The following HMGN1 variants were observed in gnomAD, a reference collection of about 807,000 sequenced individuals.
HMGN1 encodes high mobility group nucleosome binding domain 1.
In HMGN1, 9 loss-of-function variants were observed where a neutral mutation model predicts 18.4. The ratio of observed to expected loss-of-function variants is 0.49; its 90% confidence interval spans 0.29 to 0.85. The LOEUF is 0.85. HMGN1 is among the 40% of genes least tolerant of loss of function. The pLI is 0.07. For missense variants in HMGN1, 151 were observed against 119.2 expected (o/e 1.27, Z -1.24); for synonymous variants, 59 against 45.0 (o/e 1.31, Z -1.24).
chr21:39,345,109 T>TCACACA lies in HMGN1; in HGVS notation c.255+31_255+36dup, dbSNP rs3067492. The TCACACA allele has an allele frequency of 5.5e-3, 7,688 of 1,407,382 alleles. 94 individuals are homozygous for TCACACA. The highest frequency in any genetic ancestry group is 0.02 in the African/African-American group (1,382 of 68,576). 87.2% of individuals were successfully genotyped at this position (1,407,382 alleles called of 1,614,324 possible). On this transcript the variant is annotated intron_variant, in intron 5 of 5. Transcript: ENST00000380749. ...TATCTACTGTTCAGAGTCAAAGCAA[T>TCACACA]CACACACACACACACACACACACAC...
At position 39,343,152 on chromosome 21, in the gene HMGN1, G is replaced by C. The variant is rs769791699; in HGVS notation, c.263C>G (p.Ala88Gly). Residue 88 changes from alanine to glycine, a missense_variant, in exon 6 of 6, where the codon GCC becomes GGC. By Grantham distance (60) the Ala-to-Gly change is moderately conservative. Coordinates refer to ENST00000380749, the MANE Select transcript of HMGN1 (RefSeq NM_004965.7). ...TTCTTTCTCTCCTGCTTCATCAGAG[G>C]CTGGACTCTGCAAAAGAAAGGAAAT... ...NGETKTEESP[A>G]SDEAGEKEAK... 1 of 1,597,492 alleles carries C rather than the reference G, an allele frequency of 6.3e-7. No homozygotes were observed. Among genetic ancestry groups the C allele is most frequent in the African/African-American group, 1.3e-5 (1 of 74,128 alleles).
At chr21:39,345,306 A>G in intron 4 of HMGN1, 32 bp from the exon 5 acceptor site, 2 of 1,585,466 alleles carry the variant, frequency 1.3e-6, no homozygotes, top group African/African-American at 1.3e-5. Flanking sequence ...TTTTAAGTAC[A>G]TGCTTTACTC....
chr21:39,349,054 T>A lies in HMGN1; in HGVS notation c.-137A>T. 1.0e-6 allele frequency: 1 copy of A among 992,634 alleles called. No homozygotes were observed. The highest frequency in any genetic ancestry group is 1.3e-6 in the Non-Finnish European group (1 of 786,258). The allele number at this position is 992,634 out of a possible 1,614,324, so 61.5% of individuals were successfully genotyped here. A position where few individuals can be genotyped will look rare whatever the true frequency, so the allele number is the denominator to read the frequency against. The stretch of plus-strand genomic sequence containing the variant: ...CCACTCCTCCCGCCGCCCGAGCTGC[T>A]GAGACCCACAGCGGGGGCGGTGGGA... On this transcript the variant is annotated 5_prime_UTR_variant, in exon 1 of 6. Coordinates refer to ENST00000380749, the MANE Select transcript of HMGN1 (RefSeq NM_004965.7).
intron 4 of HMGN1, chr21:39,347,826 G>C (rs765317439): frequency 2.1e-6 from 1 of 469,858 alleles, no homozygotes; most frequent in Admixed American, 5.4e-5. Context: ...TTTTCTCAGA[G>C]ATCACAACTT....
intron 4 of HMGN1, chr21:39,347,739 C>G: frequency 3.8e-6 from 1 of 264,230 alleles, no homozygotes; most frequent in Non-Finnish European, 7.5e-6. Flanking sequence ...ATCATGCAAT[C>G]ACGAATTTGT....
At chr21:39,343,731 T>G (rs1407179206) in intron 5 of HMGN1, among the ~76,000 whole-genome samples, 8 of 152,208 alleles carry the variant, frequency 5.3e-5, no homozygotes, top group Non-Finnish European at 1.0e-4. Flanking sequence ...TATTTTCAGT[T>G]GATGAAAATG....
chr21:39,348,164 A>G (rs543671089), intron 4 of HMGN1, 128 bp downstream of exon 4: 2 of 1,287,674 alleles, frequency 1.6e-6, no homozygotes, highest in African/African-American at 3.0e-5. Flanking sequence ...CGACCACTAG[A>G]AAAATTATTT....
At chr21:39,344,256 C>CAAAAAAAA (rs3067491) in intron 5 of HMGN1, among the ~76,000 whole-genome samples, 3 of 113,502 alleles carry the variant, frequency 2.6e-5, no homozygotes, top group African/African-American at 1.1e-4. Flanking sequence ...AATTCCGTCT[C>CAAAAAAAA]AAAAAAAAAA....
chr21:39,347,735 C>A, intron 4 of HMGN1: 2 of 263,424 alleles, frequency 7.6e-6, no homozygotes, highest in South Asian at 3.5e-5. Context: ...TCGAATCATG[C>A]AATCACGAAT....
At chr21:39,348,151 C>T (rs143443959) in intron 4 of HMGN1, 141 bp downstream of exon 4, 2 of 1,130,618 alleles carry the variant, frequency 1.8e-6, no homozygotes, top group African/African-American at 1.6e-5. Context: ...TACATTTTTG[C>T]CTCGACCACT....
intron 5 of HMGN1, chr21:39,344,422 A>C (rs571560585): frequency 7.0e-4 from 106 of 152,334 alleles, no homozygotes; most frequent in African/African-American, 2.5e-3. Context: ...AAATTTAAAA[A>C]TCAATATACT....
rs1178490416 is a variant in HMGN1 at position 39,345,197 on chromosome 21, T to C, written c.204A>G (p.Gln68=). ...AKGKQAEVAN[Q]ETKEDLPAEN... ...CCGCAGGTAAGTCTTCTTTAGTTTC[T>C]TGGTTAGCCACTTCGGCCTGTTTTC... The change falls in exon 5 of 6, where the codon CAA becomes CAG. Residue 68 remains glutamine (Q), a synonymous_variant. Coordinates refer to ENST00000380749, the MANE Select transcript of HMGN1 (RefSeq NM_004965.7). 6.8e-6 allele frequency: 11 copies of C among 1,613,446 alleles called. No homozygotes were observed. In the South Asian group the frequency reaches 1.2e-4, roughly 18 times the overall value.
At chr21:39,348,718 G>A (rs1274142687) in intron 1 of HMGN1, 141 bp from the exon 2 acceptor site, 5 of 1,163,084 alleles carry the variant, frequency 4.3e-6, no homozygotes, top group South Asian at 1.7e-5. Context: ...AGCTCCCCCG[G>A]CCGCCAAACG....
Position 39,349,071 on chromosome 21 carries a change from GC to G in HMGN1, c.-155del. On this transcript the variant is annotated 5_prime_UTR_variant, in exon 1 of 6. Transcript: ENST00000380749. ...CGAGCTGCTGAGACCCACAGCGGGG[GC>G]GGTGGGAGAACCGGATGGAACCGGA... is the stretch of plus-strand genomic sequence containing the variant. The G allele has an allele frequency of 1.1e-6, 1 of 875,288 alleles. No individual in the cohort carries two copies. 54.2% of individuals were successfully genotyped at this position (875,288 alleles called of 1,614,324 possible). A position where few individuals can be genotyped will look rare whatever the true frequency, so the allele number is the denominator to read the frequency against.
intron 4 of HMGN1, chr21:39,345,934 A>G (rs1279478093): frequency 7.7e-7 from 1 of 1,301,970 alleles, no homozygotes; most frequent in South Asian, 1.2e-5. Context: ...TGAATTTATC[A>G]CTTTCATTTA....
chr21:39,345,034 T>A, intron 5 of HMGN1, 112 bp downstream of exon 5: 1 of 1,279,370 alleles, frequency 7.8e-7, no homozygotes, highest in Non-Finnish European at 1.0e-6. Flanking sequence ...AAAACTTTGT[T>A]CAATATTATA....
At chr21:39,344,281 TA>T (rs2036966633) in intron 5 of HMGN1, among the ~76,000 whole-genome samples, 1 of 127,598 alleles carries the variant, frequency 7.8e-6, no homozygotes, top group South Asian at 2.4e-4. Context: ...AAAAAGGAAT[TA>T]AGAAGTACAA....
intron 2 of HMGN1, 25 bp downstream of exon 2, chr21:39,348,520 C>A (rs2037146740): frequency 1.9e-6 from 3 of 1,613,398 alleles, no homozygotes; most frequent in Non-Finnish European, 2.5e-6. Flanking sequence ...AAACCCACCA[C>A]CCCCCGCAGA....
chr21:39,342,903 ACCAAAAAAT>A lies in HMGN1; in HGVS notation c.*200_*208del, dbSNP rs1416008339. The A allele has an allele frequency of 7.4e-7, 1 of 1,359,084 alleles. No individual in the cohort carries two copies. The highest frequency in any genetic ancestry group is 1.5e-5 in the African/African-American group (1 of 68,904). The allele number at this position is 1,359,084 out of a possible 1,614,324, so 84.2% of individuals were successfully genotyped here. On this transcript the variant is annotated 3_prime_UTR_variant, in exon 6 of 6. Transcript: ENST00000380749. ...ATATCCCACACTATTTTCTGGTTGT[ACCAAAAAAT>A]AAACAACCAGCAAATGATTTCACCT...
Sources: allele counts gnomAD v4.1 joint callset (sites outside exome capture counted in the v4.1 genomes callset), GRCh38; gene constraint gnomAD v4.1.1; transcripts MANE v1.5; gene names NCBI Gene and HGNC (gene_info 2026-07-23, HGNC 2026-07-21).